Variants in MROH7 observed in about 807,000 individuals in gnomAD.
MROH7 encodes the protein maestro heat-like repeat-containing protein family member 7.
MROH7 carries 113 observed loss-of-function variants against 129.2 expected under a neutral mutation model. That is an observed-to-expected ratio of 0.87 (90% CI 0.75 to 1.02). The LOEUF is 1.02. Among genes scored for constraint, MROH7 ranks in the 50% least tolerant of loss-of-function variants. The pLI is 0.00. For synonymous variants in MROH7, 655 were observed against 667.9 expected (o/e 0.98, Z 0.30); for missense variants, 1,601 against 1,671.3 (o/e 0.96, Z 0.73).
chr1:54,696,290 T>G (rs1448673554), intron 17 of MROH7, among the ~76,000 whole-genome samples: 1 of 152,180 alleles, frequency 6.6e-6, no homozygotes, highest in African/African-American at 2.4e-5. Context: ...CCCTCCCCTT[T>G]CCTTTTAGTT....
At chr1:54,647,175 T>C (rs1223986148) in intron 1 of MROH7, among the ~76,000 whole-genome samples, 1 of 152,274 alleles carries the variant, frequency 6.6e-6, no homozygotes, top group African/African-American at 2.4e-5. Context: ...TTGTTGCTTA[T>C]GTTTTTGGTG....
In MROH7 at chr1:54,686,455, T is replaced by C; in HGVS notation, c.2711+7T>C. ...CTCCCTTCGTACCTGTGCGGTATGC[T>C]CTGCCCTCTCTCTTGACCCTGCTGT... On this transcript the variant is annotated splice_region_variant and intron_variant, in intron 15 of 23. Transcript: ENST00000421030. The C allele has an allele frequency of 5.0e-6, 8 of 1,612,830 alleles. No individual in the cohort carries two copies. The highest frequency in any genetic ancestry group is 6.8e-6 in the Non-Finnish European group (8 of 1,179,454).
intron 15 of MROH7, 50 bp downstream of exon 15, chr1:54,686,498 G>A: frequency 6.4e-7 from 1 of 1,554,504 alleles, no homozygotes; most frequent in Non-Finnish European, 8.8e-7. Flanking sequence ...GGTGGGAAGG[G>A]CCATCCAGTC....
chr1:54,656,510 A>T (rs1569868970), intron 3 of MROH7, among the ~76,000 whole-genome samples: 1 of 3,374 alleles, frequency 3.0e-4, no homozygotes, highest in Non-Finnish European at 1.2e-3. Flanking sequence ...ACTCCATCTC[A>T]AAAAAAAAAA....
intron 10 of MROH7, among the ~76,000 whole-genome samples, chr1:54,676,748 G>A (rs542648904): frequency 1.5e-4 from 22 of 144,070 alleles, no homozygotes; most frequent in African/African-American, 5.2e-4. Context: ...TTGCTTTGTC[G>A]CCCAGGCTGG....
intron 1 of MROH7, among the ~76,000 whole-genome samples, chr1:54,647,779 C>T (rs1209500479): frequency 2.7e-5 from 4 of 150,896 alleles, no homozygotes; most frequent in Non-Finnish European, 5.9e-5. Flanking sequence ...GTGGTGGGCA[C>T]CTGTAGCCCT....
chr1:54,692,546 T>A lies in MROH7; in HGVS notation c.2834T>A (p.Val945Glu), dbSNP rs1645256384. Residue 945 changes from valine (V) to glutamate (E), a missense_variant, in exon 16 of 24, where the codon GTG becomes GAG. Val to Glu is a moderately radical substitution (Grantham distance 121). Coordinates refer to ENST00000421030, the MANE Select transcript of MROH7 (RefSeq NM_001039464.4). The part of the protein sequence containing the change: ...MEQVESHHRG[V>E]ALLARAMVQY... ...CAGGTGGAGAGCCACCACCGCGGAG[T>A]GGCCTTGCTGGCAAGGTGAGTCCCG... 1 of 1,530,796 alleles carries A rather than the reference T, an allele frequency of 6.5e-7. No individual in the cohort carries two copies. Among genetic ancestry groups the A allele is most frequent in the Non-Finnish European group, 8.9e-7 (1 of 1,128,832 alleles). The allele number at this position is 1,530,796 out of a possible 1,614,324, so 94.8% of individuals were successfully genotyped here.
intron 13 of MROH7, among the ~76,000 whole-genome samples, chr1:54,680,687 C>T (rs1196652309): frequency 6.6e-6 from 1 of 152,188 alleles, no homozygotes; most frequent in Admixed American, 6.5e-5. Context: ...GTCAGTCTGG[C>T]CTCAGCCTCC....
chr1:54,679,789 T>C, intron 12 of MROH7, 102 bp from the exon 13 acceptor site: 1 of 1,165,456 alleles, frequency 8.6e-7, no homozygotes, highest in East Asian at 2.4e-5. Flanking sequence ...TTCTCCCCTG[T>C]CCTCTAGCCT....
chr1:54,647,074 C>T (rs1644478087), intron 1 of MROH7, among the ~76,000 whole-genome samples: 1 of 152,212 alleles, frequency 6.6e-6, no homozygotes, highest in Non-Finnish European at 1.5e-5. Flanking sequence ...CCACCTTTGG[C>T]TCTCATAAGC....
Position 54,695,462 on chromosome 1 carries a change from G to T in MROH7, c.2936G>T (p.Arg979Met). 6.2e-7 allele frequency: 1 copy of T among 1,613,836 alleles called. No individual in the cohort carries two copies. Among genetic ancestry groups the T allele is most frequent in the South Asian group, 1.1e-5 (1 of 90,936 alleles). ...CTGGAGCGAGGCGACGAGAAGCACAGGATCACGGCCACCGCCTTCTTCGTG... is the reference window on the plus strand; with the variant it reads ...CTGGAGCGAGGCGACGAGAAGCACATGATCACGGCCACCGCCTTCTTCGTG... ...PLLERGDEKH[R>M]ITATAFFVEL... Residue 979 changes from arginine to methionine, a missense_variant, in exon 17 of 24, where the codon AGG (arginine) becomes ATG (methionine). Coordinates refer to ENST00000421030, the MANE Select transcript of MROH7 (RefSeq NM_001039464.4).
Position 54,702,138 on chromosome 1 carries a change from G to A in MROH7, c.3334G>A (p.Val1112Ile), listed in dbSNP as rs1645448474. ...SSCINLYGKV[V>I]QKLRAPRTQA... ...CTGCATCAACCTGTATGGGAAGGTG[G>A]TCCAGAAGCTTCGGGCACCACGCAC... The change falls in exon 20 of 24, where the codon GTC becomes ATC. Residue 1112 changes from valine (V) to isoleucine (I), a missense_variant. Coordinates refer to ENST00000421030, the MANE Select transcript of MROH7 (RefSeq NM_001039464.4). 1.2e-6 allele frequency: 2 copies of A among 1,611,864 alleles called. No homozygotes were observed. Among genetic ancestry groups the A allele is most frequent in the African/African-American group, 2.7e-5 (2 of 74,754 alleles).
chr1:54,706,785 A>G (rs1645541511), intron 22 of MROH7, among the ~76,000 whole-genome samples: 1 of 152,212 alleles, frequency 6.6e-6, no homozygotes, highest in African/African-American at 2.4e-5. Flanking sequence ...TGGCAACTGT[A>G]TATGGCAGAA....
intron 1 of MROH7, among the ~76,000 whole-genome samples, chr1:54,642,381 G>A: frequency 6.6e-6 from 1 of 152,174 alleles, no homozygotes; most frequent in Non-Finnish European, 1.5e-5. Flanking sequence ...CCAAAGCCTT[G>A]GATGTTGGCA....
chr1:54,659,310 TCTCA>T (rs1260877160), intron 3 of MROH7: 6 of 194,312 alleles, frequency 3.1e-5, no homozygotes, highest in Non-Finnish European at 5.3e-5. Flanking sequence ...TGAGATGGAG[TCTCA>T]CTCTGTTGCC....
At chr1:54,682,554 A>G in intron 13 of MROH7, 102 bp from the exon 14 acceptor site, 3 of 1,198,650 alleles carry the variant, frequency 2.5e-6, no homozygotes, top group Admixed American at 2.1e-5. Context: ...CATGGATGCC[A>G]TTTCATTGGC....
chr1:54,656,680 G>A (rs895315222), intron 3 of MROH7, among the ~76,000 whole-genome samples: 3 of 151,956 alleles, frequency 2.0e-5, no homozygotes, highest in Non-Finnish European at 4.4e-5. Context: ...AAAATTAGCT[G>A]ATGTGGTGGC....
At chr1:54,701,869 C>T (rs1471788941) in intron 19 of MROH7, among the ~76,000 whole-genome samples, 1 of 150,300 alleles carries the variant, frequency 6.7e-6, no homozygotes. Flanking sequence ...CAGCACCTGG[C>T]CAGTTTTTTT....
chr1:54,692,458 A>C lies in MROH7; in HGVS notation c.2746A>C (p.Arg916=). The change falls in exon 16 of 24, where the codon AGG becomes CGG. Residue 916 remains arginine, a synonymous_variant. Transcript: ENST00000421030. ...GAAAGTGGTGAAAACCCTGCTACTG[A>C]GGATGGGCTGCTCTTATGAGACCAC... ...VVKVVKTLLL[R]MGCSYETTFL... 1 of 1,614,072 alleles carries C rather than the reference A, an allele frequency of 6.2e-7. No homozygotes were observed. Among genetic ancestry groups the C allele is most frequent in the South Asian group, 1.1e-5 (1 of 91,070 alleles).
Sources: gnomAD v4.1 joint callset for allele counts (sites outside exome capture counted in the v4.1 genomes callset) on GRCh38, gnomAD v4.1.1 for gene constraint, MANE v1.5 for transcripts, NCBI Gene and HGNC (gene_info 2026-07-23, HGNC 2026-07-21) for gene names.